Variants in CXCL13 observed in about 807,000 individuals in gnomAD.
CXCL13 encodes the protein C-X-C motif chemokine 13.
In CXCL13, 7 loss-of-function variants were observed where a neutral mutation model predicts 12.2. The ratio of observed to expected loss-of-function variants is 0.57; its 90% CI spans 0.33 to 1.07. The LOEUF (loss-of-function observed/expected upper bound fraction) is 1.07, where lower values mean the gene tolerates loss of function less well. Among genes scored for constraint, CXCL13 ranks in the 50% least tolerant of loss-of-function variants. CXCL13 has a pLI of 0.04. For synonymous variants in CXCL13, 47 were observed against 42.4 expected (o/e 1.11, Z -0.42); for missense variants, 113 against 127.4 (o/e 0.89, Z 0.55).
chr4:77,557,068 CAAG>C (rs1263205392), intron 1 of CXCL13, among the ~76,000 whole-genome samples: 3 of 151,858 alleles, frequency 2.0e-5, no homozygotes, highest in Admixed American at 6.6e-5. Flanking sequence ...AAATGGGAAA[CAAG>C]GAGAGAAAGG....
intron 1 of CXCL13, among the ~76,000 whole-genome samples, chr4:77,537,396 C>T (rs943023724): frequency 2.4e-4 from 36 of 152,300 alleles, no homozygotes; most frequent in African/African-American, 8.7e-4. Flanking sequence ...TCCATCACAC[C>T]TCCAGCTTGT....
At chr4:77,570,500 C>G (rs1048350392) in intron 1 of CXCL13, among the ~76,000 whole-genome samples, 30 of 152,224 alleles carry the variant, frequency 2.0e-4, no homozygotes, top group African/African-American at 6.5e-4. Flanking sequence ...TGACAGCATG[C>G]TGGCAGTCCT....
chr4:77,597,210 T>G (rs1294215751), intron 1 of CXCL13, among the ~76,000 whole-genome samples: 1 of 152,206 alleles, frequency 6.6e-6, no homozygotes, highest in East Asian at 1.9e-4. Flanking sequence ...CATTTTTAAT[T>G]GATTCAGAGG....
intron 1 of CXCL13, among the ~76,000 whole-genome samples, chr4:77,519,120 C>G (rs915388058): frequency 6.6e-6 from 1 of 152,060 alleles, no homozygotes; most frequent in South Asian, 2.1e-4. Flanking sequence ...TTTTGTGAAC[C>G]GTGAATGCTG....
At chr4:77,533,108 T>A (rs151279976) in intron 1 of CXCL13, among the ~76,000 whole-genome samples, 9,073 of 152,186 alleles carry the variant, frequency 0.06, 344 homozygotes, top group East Asian at 0.11. Flanking sequence ...GGAGGAGAGG[T>A]GCTCTGATTT....
chr4:77,533,927 T>C (rs1375069604), intron 1 of CXCL13, among the ~76,000 whole-genome samples: 1 of 152,204 alleles, frequency 6.6e-6, no homozygotes, highest in Non-Finnish European at 1.5e-5. Context: ...CCAAGTGCCA[T>C]CTGTCACCCC....
intron 1 of CXCL13, among the ~76,000 whole-genome samples, chr4:77,515,625 T>C (rs1029234916): frequency 2.0e-5 from 3 of 152,184 alleles, no homozygotes; most frequent in Non-Finnish European, 4.4e-5. Flanking sequence ...TATTGGTGTA[T>C]AAGAATGCTT....
chr4:77,604,785 T>C (rs765178232), upstream of CXCL13, among the ~76,000 whole-genome samples: 3 of 152,172 alleles, frequency 2.0e-5, no homozygotes, highest in Admixed American at 2.0e-4. Context: ...ACAATGCTAA[T>C]TGATTAGCAA....
intron 1 of CXCL13, among the ~76,000 whole-genome samples, chr4:77,597,905 A>C (rs1231623633): frequency 3.3e-5 from 5 of 152,232 alleles, no homozygotes; most frequent in Non-Finnish European, 7.3e-5. Context: ...GGAGACTGCC[A>C]GGTGTATAAG....
chr4:77,567,390 C>T (rs984433251), intron 1 of CXCL13, among the ~76,000 whole-genome samples: 1 of 152,186 alleles, frequency 6.6e-6, no homozygotes, highest in Admixed American at 6.5e-5. Context: ...CAAGACATGT[C>T]CCAAATCTTC....
At chr4:77,539,203 A>G (rs1280255938) in intron 1 of CXCL13, among the ~76,000 whole-genome samples, 1 of 152,022 alleles carries the variant, frequency 6.6e-6, no homozygotes, top group Non-Finnish European at 1.5e-5. Flanking sequence ...AACTGGGATT[A>G]CAGGCATGCA....
intron 1 of CXCL13, among the ~76,000 whole-genome samples, chr4:77,527,787 T>C (rs1163474688): frequency 2.0e-5 from 3 of 152,152 alleles, no homozygotes; most frequent in Non-Finnish European, 4.4e-5. Context: ...TATTTTTTAT[T>C]TTATTTTTAT....
At chr4:77,518,913 CT>C (rs1179451704) in intron 1 of CXCL13, among the ~76,000 whole-genome samples, 1 of 152,088 alleles carries the variant, frequency 6.6e-6, no homozygotes, top group East Asian at 1.9e-4. Context: ...TTTTCCCCAT[CT>C]TTGTGGTTTT....
At chr4:77,602,107 A>G (rs1303967876), upstream of CXCL13, among the ~76,000 whole-genome samples, 1 of 152,212 alleles carries the variant, frequency 6.6e-6, no homozygotes, top group East Asian at 1.9e-4. Context: ...AAACTACTTT[A>G]TTTAATCACT....
intron 1 of CXCL13, among the ~76,000 whole-genome samples, chr4:77,565,725 T>G (rs1725911986): frequency 1.3e-5 from 2 of 152,110 alleles, no homozygotes; most frequent in South Asian, 2.1e-4. Context: ...AGGACCTAAA[T>G]AATTCCTGTG....
At chr4:77,564,219 TA>T (rs1725875026) in intron 1 of CXCL13, among the ~76,000 whole-genome samples, 1 of 152,202 alleles carries the variant, frequency 6.6e-6, no homozygotes, top group African/African-American at 2.4e-5. Context: ...TCAGGAAAAC[TA>T]GATCCAACAA....
At chr4:77,514,461 G>A (rs1220792657) in intron 1 of CXCL13, among the ~76,000 whole-genome samples, 5 of 142,590 alleles carry the variant, frequency 3.5e-5, no homozygotes, top group African/African-American at 1.0e-4. Context: ...ATCCTCTCCA[G>A]CACCTGTTGT....
intron 1 of CXCL13, among the ~76,000 whole-genome samples, chr4:77,564,439 A>G (rs998652497): frequency 5.9e-5 from 9 of 152,236 alleles, no homozygotes; most frequent in Admixed American, 5.9e-4. Flanking sequence ...AGCAAAAAGA[A>G]TGAGCCACTT....
At chr4:77,514,633 G>A (rs369979980) in intron 1 of CXCL13, among the ~76,000 whole-genome samples, 43 of 148,992 alleles carry the variant, frequency 2.9e-4, no homozygotes, top group Non-Finnish European at 4.6e-4. Context: ...CATGTCCTTC[G>A]CCCACTTTTT....
Sources: allele counts gnomAD v4.1 joint callset (sites outside exome capture counted in the v4.1 genomes callset), GRCh38; gene constraint gnomAD v4.1.1; transcripts MANE v1.5; gene names NCBI Gene and HGNC (gene_info 2026-07-23, HGNC 2026-07-21).